GRM5: variants seen among roughly 807,000 people sequenced by gnomAD.
The protein encoded by GRM5 is metabotropic glutamate receptor 5.
A neutral mutation model predicts 83.1 loss-of-function variants in GRM5; 19 were observed. That is an observed-to-expected ratio of 0.23 (90% CI 0.16 to 0.34). The LOEUF is 0.34. GRM5 is among the 10% of genes least tolerant of loss of function. The pLI, the probability that GRM5 is intolerant of heterozygous loss-of-function variation, is 1.00. For synonymous variants in GRM5, 675 were observed against 633.6 expected (o/e 1.07, Z -0.98); for missense variants, 1,160 against 1,588.3 (o/e 0.73, Z 4.58).
At position 88,509,405 on chromosome 11, in the gene GRM5, G is replaced by T. The variant is rs1052119792; in HGVS notation, c.2826C>A (p.Asn942Lys). The T allele has an allele frequency of 6.2e-7, 1 of 1,612,966 alleles. No individual in the cohort carries two copies. The highest frequency in any genetic ancestry group is 1.3e-5 in the African/African-American group (1 of 75,052). ...RLSIHINKKENPNQTAVIKPF... is the reference protein window; with the variant it reads ...RLSIHINKKEKPNQTAVIKPF... ...GCTTGATGACGGCCGTTTGGTTGGG[G>T]TTTTCTTTCTTGTTGATGTGGATGG... The change falls in exon 10 of 10, where the codon AAC (asparagine) becomes AAA (lysine). Residue 942 changes from asparagine to lysine, a missense_variant. Asn to Lys is a moderately conservative substitution (Grantham distance 94). Coordinates refer to ENST00000305447, the MANE Select transcript of GRM5 (RefSeq NM_001143831.3).
intron 6 of GRM5, among the ~76,000 whole-genome samples, chr11:88,591,392 T>C (rs1402983075): frequency 6.6e-6 from 1 of 152,186 alleles, no homozygotes; most frequent in East Asian, 1.9e-4. Context: ...TTAATCTATC[T>C]GACTTTTTTA....
intron 3 of GRM5, among the ~76,000 whole-genome samples, chr11:88,826,946 C>G (rs115380468): frequency 0.026 from 4,013 of 152,184 alleles, 179 homozygotes; most frequent in African/African-American, 0.09. Flanking sequence ...CTTGAGATGT[C>G]ATATTAAATG....
intron 3 of GRM5, among the ~76,000 whole-genome samples, chr11:88,830,861 A>G (rs908125327): frequency 1.3e-5 from 2 of 152,174 alleles, no homozygotes; most frequent in Non-Finnish European, 2.9e-5. Flanking sequence ...TCACGAAGGT[A>G]GGCAAGGAAG....
intron 2 of GRM5, among the ~76,000 whole-genome samples, chr11:88,949,689 T>C (rs923697603): frequency 3.9e-5 from 6 of 152,332 alleles, no homozygotes; most frequent in Admixed American, 3.9e-4. Context: ...CTTTGAAATA[T>C]ATTATTTTGA....
chr11:88,519,535 G>A (rs184740637), intron 9 of GRM5, among the ~76,000 whole-genome samples: 3 of 152,172 alleles, frequency 2.0e-5, no homozygotes, highest in Admixed American at 2.0e-4. Context: ...GATTAAGTGA[G>A]CAATCATGCA....
chr11:88,515,680 TA>T (rs1399459296), intron 9 of GRM5, among the ~76,000 whole-genome samples: 1 of 152,244 alleles, frequency 6.6e-6, no homozygotes, highest in African/African-American at 2.4e-5. Context: ...TGAGATGTTT[TA>T]ACAGCGATTA....
At chr11:88,606,872 G>A (rs545331923) in intron 4 of GRM5, among the ~76,000 whole-genome samples, 1 of 151,098 alleles carries the variant, frequency 6.6e-6, no homozygotes, top group South Asian at 2.1e-4. Context: ...AAAAAAAATA[G>A]GTGAAAGAAA....
At chr11:88,974,394 T>TAGATAGAC (rs979329231) in intron 2 of GRM5, among the ~76,000 whole-genome samples, 5 of 151,740 alleles carry the variant, frequency 3.3e-5, no homozygotes, top group Non-Finnish European at 7.4e-5. Flanking sequence ...GATAGATAGA[T>TAGATAGAC]AGATAGATAG....
intron 3 of GRM5, among the ~76,000 whole-genome samples, chr11:88,796,269 T>C (rs959227683): frequency 1.4e-4 from 21 of 152,224 alleles, no homozygotes; most frequent in African/African-American, 5.1e-4. Flanking sequence ...ATATTTTTGT[T>C]CCTATGAATC....
intron 3 of GRM5, among the ~76,000 whole-genome samples, chr11:88,825,689 G>A (rs763516942): frequency 3.9e-5 from 6 of 152,130 alleles, no homozygotes; most frequent in Non-Finnish European, 7.4e-5. Context: ...AGACAAGCTG[G>A]ACTCAAATGA....
intron 4 of GRM5, among the ~76,000 whole-genome samples, chr11:88,607,771 T>G (rs556739863): frequency 1.2e-3 from 183 of 152,326 alleles, no homozygotes; most frequent in Non-Finnish European, 2.1e-3. Context: ...TCTGAGCCCT[T>G]GTAATTGCTG....
chr11:88,652,632 T>G (rs1591413587), intron 4 of GRM5, among the ~76,000 whole-genome samples: 1 of 152,238 alleles, frequency 6.6e-6, no homozygotes, highest in East Asian at 1.9e-4. Context: ...TGTTGAATGC[T>G]TGAATGAATG....
At chr11:88,822,276 T>C (rs564929043) in intron 3 of GRM5, among the ~76,000 whole-genome samples, 1 of 152,356 alleles carries the variant, frequency 6.6e-6, no homozygotes, top group East Asian at 1.9e-4. Context: ...ATAGCCACTG[T>C]GCTATACATA....
intron 2 of GRM5, among the ~76,000 whole-genome samples, chr11:88,892,755 T>C (rs567048599): frequency 2.0e-5 from 3 of 152,104 alleles, no homozygotes; most frequent in Middle Eastern, 6.8e-3. Context: ...GTGAATCAAG[T>C]GGTGATCTCC....
chr11:88,845,321 C>CCTT (rs3031470), intron 3 of GRM5, among the ~76,000 whole-genome samples: 59,801 of 142,302 alleles, frequency 0.42, 12,048 homozygotes, highest in East Asian at 0.52. Context: ...TGATCACTTG[C>CCTT]TTTTTTTTTT....
At chr11:88,510,049 A>G (rs1941323184) in intron 9 of GRM5, among the ~76,000 whole-genome samples, 1 of 152,208 alleles carries the variant, frequency 6.6e-6, no homozygotes, top group South Asian at 2.1e-4. Flanking sequence ...TGGTATATAT[A>G]TAACTAGGGT....
intron 3 of GRM5, among the ~76,000 whole-genome samples, chr11:88,732,892 C>T (rs1941835710): frequency 6.6e-6 from 1 of 151,972 alleles, no homozygotes; most frequent in South Asian, 2.1e-4. Context: ...GACTGAGTGG[C>T]AGGGATAGAT....
chr11:88,737,517 C>A (rs529309644), intron 3 of GRM5, among the ~76,000 whole-genome samples: 1 of 152,122 alleles, frequency 6.6e-6, no homozygotes, highest in South Asian at 2.1e-4. Context: ...AATTGAACCT[C>A]AGAGAGTCCA....
Position 88,818,433 on chromosome 11 carries a change from T to A in GRM5, c.911+31473A>T, listed in dbSNP as rs193025323. Reference sequence around the variant, plus strand: ...TTTGGCTCCATAAAAATAAGAAAAATTATTTTATTCAGTAAACTTGGAGAA... The same window carrying A: ...TTTGGCTCCATAAAAATAAGAAAAAATATTTTATTCAGTAAACTTGGAGAA... On this transcript the variant is annotated intron_variant, in intron 3 of 9. Coordinates refer to ENST00000305447, the MANE Select transcript of GRM5 (RefSeq NM_001143831.3). Among the ~76,000 whole-genome samples the A allele has an allele frequency of 2.0e-4, 30 of 152,152 alleles. No homozygotes were observed. In the East Asian group the frequency reaches 4.6e-3, roughly 24 times the overall value.
Sources: allele counts gnomAD v4.1 joint callset (sites outside exome capture counted in the v4.1 genomes callset), GRCh38; gene constraint gnomAD v4.1.1; transcripts MANE v1.5; gene names NCBI Gene and HGNC (gene_info 2026-07-23, HGNC 2026-07-21).